Variants in OXR1 observed in about 807,000 individuals in gnomAD.
OXR1 encodes oxidation resistance 1, also known as oxidation resistance protein 1.
In OXR1, 41 loss-of-function variants were observed where a neutral mutation model predicts 104.6. The observed-to-expected ratio is 0.39, with a 90% CI of 0.31 to 0.51. The LOEUF is 0.51. Among genes scored for constraint, OXR1 ranks in the 20% least tolerant of loss-of-function variants. The pLI is 0.77. For synonymous variants in OXR1, 348 were observed against 348.4 expected (o/e 1.00, Z 0.01); for missense variants, 955 against 1,031.9 (o/e 0.93, Z 1.02).
intron 3 of OXR1, among the ~76,000 whole-genome samples, chr8:106,561,188 C>T (rs1816652299): frequency 6.6e-6 from 1 of 151,994 alleles, no homozygotes; most frequent in Non-Finnish European, 1.5e-5. Flanking sequence ...TCAGCGGATC[C>T]CACCCCCGCC....
At chr8:106,511,006 C>T (rs1435942480) in intron 2 of OXR1, among the ~76,000 whole-genome samples, 1 of 152,180 alleles carries the variant, frequency 6.6e-6, no homozygotes, top group East Asian at 1.9e-4. Flanking sequence ...TCTTAATCCT[C>T]CTGTTTAAGG....
chr8:106,695,574 C>T (rs190477677), intron 7 of OXR1, among the ~76,000 whole-genome samples: 8 of 151,964 alleles, frequency 5.3e-5, no homozygotes, highest in South Asian at 2.1e-4. Context: ...CATGCCACCA[C>T]GTCTGGCTAA....
intron 2 of OXR1, among the ~76,000 whole-genome samples, chr8:106,472,989 T>C (rs1821600288): frequency 6.6e-6 from 1 of 151,932 alleles, no homozygotes; most frequent in African/African-American, 2.4e-5. Flanking sequence ...TCCCCAGCAT[T>C]ACCCAAATTA....
At chr8:106,735,394 G>A (rs1834276169) in intron 11 of OXR1, among the ~76,000 whole-genome samples, 1 of 152,110 alleles carries the variant, frequency 6.6e-6, no homozygotes, top group South Asian at 2.1e-4. Flanking sequence ...ATTAAGATAA[G>A]CTTAGCCTTA....
chr8:106,472,600 A>G (rs1334376575), intron 2 of OXR1, among the ~76,000 whole-genome samples: 1 of 151,892 alleles, frequency 6.6e-6, no homozygotes, highest in African/African-American at 2.4e-5. Context: ...ATTTACTGCT[A>G]CAGTAAAAGG....
At chr8:106,736,163 A>ACT (rs1403913037) in intron 11 of OXR1, among the ~76,000 whole-genome samples, 1 of 91,786 alleles carries the variant, frequency 1.1e-5, no homozygotes, top group Non-Finnish European at 2.2e-5. Context: ...GGTTTATCTG[A>ACT]CACCCCCCCC....
At chr8:106,518,886 G>T in intron 2 of OXR1, 57 bp from the exon 3 acceptor site, 1 of 1,278,638 alleles carries the variant, frequency 7.8e-7, no homozygotes, top group Non-Finnish European at 1.1e-6. Context: ...TTATAAACAT[G>T]GAACAAATGT....
intron 1 of OXR1, among the ~76,000 whole-genome samples, chr8:106,290,240 G>A (rs1441813725): frequency 6.6e-6 from 1 of 152,090 alleles, no homozygotes; most frequent in Non-Finnish European, 1.5e-5. Context: ...GACATAACTG[G>A]CTAGCCATAT....
chr8:106,536,770 G>A (rs912630726), intron 3 of OXR1, among the ~76,000 whole-genome samples: 4 of 152,110 alleles, frequency 2.6e-5, no homozygotes, highest in Admixed American at 2.6e-4. Flanking sequence ...CCTAACAAAT[G>A]CTTTAAGATT....
At chr8:106,693,713 G>A (rs1433970496) in intron 7 of OXR1, among the ~76,000 whole-genome samples, 1 of 152,022 alleles carries the variant, frequency 6.6e-6, no homozygotes, top group African/African-American at 2.4e-5. Flanking sequence ...TTACAGGTGT[G>A]AGCCACCGCA....
At chr8:106,426,285 C>T (rs922813181) in intron 2 of OXR1, among the ~76,000 whole-genome samples, 1 of 152,070 alleles carries the variant, frequency 6.6e-6, no homozygotes, top group Non-Finnish European at 1.5e-5. Flanking sequence ...TGATACCTGC[C>T]TCTAAAGGCC....
intron 2 of OXR1, among the ~76,000 whole-genome samples, chr8:106,371,184 T>G (rs1816691734): frequency 6.6e-6 from 1 of 152,172 alleles, no homozygotes; most frequent in Non-Finnish European, 1.5e-5. Context: ...CTAGTTTGTT[T>G]GCATAGAGGT....
chr8:106,608,862 C>T (rs986248405), intron 3 of OXR1, among the ~76,000 whole-genome samples: 4 of 152,160 alleles, frequency 2.6e-5, no homozygotes, highest in East Asian at 1.9e-4. Flanking sequence ...GGGTTTATAT[C>T]GTCCTACTCT....
At chr8:106,529,969 T>C in intron 3 of OXR1, among the ~76,000 whole-genome samples, 1 of 152,198 alleles carries the variant, frequency 6.6e-6, no homozygotes, top group East Asian at 1.9e-4. Flanking sequence ...AAATTAGTCT[T>C]TCACTGCTGT....
intron 4 of OXR1, among the ~76,000 whole-genome samples, chr8:106,682,851 TCA>T (rs1271870715): frequency 6.8e-6 from 1 of 147,036 alleles, no homozygotes. Flanking sequence ...TTGCTAGAAG[TCA>T]CATATATTTT....
intron 3 of OXR1, chr8:106,658,081 G>A (rs1007052247): frequency 8.0e-7 from 1 of 1,248,316 alleles, no homozygotes. Context: ...GGCGAAGCCC[G>A]GCAGGTGCGC....
chr8:106,290,054 A>T (rs1474773811), intron 1 of OXR1, among the ~76,000 whole-genome samples: 1 of 152,184 alleles, frequency 6.6e-6, no homozygotes, highest in African/African-American at 2.4e-5. Context: ...TTTCCTTCTT[A>T]AATTACCCAG....
At chr8:106,396,612 G>A (rs1269314641) in intron 2 of OXR1, among the ~76,000 whole-genome samples, 1 of 152,074 alleles carries the variant, frequency 6.6e-6, no homozygotes. Flanking sequence ...ATGGTTCCCT[G>A]GAATGGACCC....
At chr8:106,414,628 G>A (rs959030713) in intron 2 of OXR1, among the ~76,000 whole-genome samples, 1 of 152,116 alleles carries the variant, frequency 6.6e-6, no homozygotes, top group African/African-American at 2.4e-5. Flanking sequence ...GGATGGGTGG[G>A]AATGGGATGT....
Sources: gnomAD v4.1 joint callset for allele counts (sites outside exome capture counted in the v4.1 genomes callset) on GRCh38, gnomAD v4.1.1 for gene constraint, MANE v1.5 for transcripts, NCBI Gene and HGNC (gene_info 2026-07-23, HGNC 2026-07-21) for gene names.